PTPRG: variants seen among roughly 807,000 people sequenced by gnomAD.
PTPRG encodes receptor-type tyrosine-protein phosphatase gamma.
Under a neutral mutation model 165.3 loss-of-function variants are expected in PTPRG, and 102 were observed. That is an observed-to-expected ratio of 0.62 (90% CI 0.53 to 0.73). PTPRG has a LOEUF of 0.73. Among genes scored for constraint, PTPRG ranks in the 30% least tolerant of loss-of-function variants. The pLI, the probability that PTPRG is intolerant of heterozygous loss-of-function variation, is 0.00. For synonymous variants in PTPRG, 675 were observed against 669.5 expected (o/e 1.01, Z -0.13); for missense variants, 1,866 against 1,861.4 (o/e 1.00, Z -0.05).
chr3:62,020,416 T>C (rs886067623), intron 4 of PTPRG, among the ~76,000 whole-genome samples: 33 of 152,310 alleles, frequency 2.2e-4, no homozygotes, highest in African/African-American at 7.2e-4. Context: ...AATATAAAAA[T>C]AATTTTTTCT....
intron 2 of PTPRG, among the ~76,000 whole-genome samples, chr3:61,976,638 C>G (rs1025907131): frequency 2.0e-5 from 3 of 151,620 alleles, no homozygotes; most frequent in African/African-American, 4.8e-5. Context: ...TAATATGGAT[C>G]TGATATAACA....
At chr3:61,578,036 A>T (rs990329262) in intron 1 of PTPRG, among the ~76,000 whole-genome samples, 2 of 152,236 alleles carry the variant, frequency 1.3e-5, no homozygotes, top group African/African-American at 4.8e-5. Flanking sequence ...AGGCCTTGGC[A>T]TCTAGGGAGC....
chr3:61,578,596 C>T (rs1700217699), intron 1 of PTPRG, among the ~76,000 whole-genome samples: 1 of 152,218 alleles, frequency 6.6e-6, no homozygotes, highest in African/African-American at 2.4e-5. Flanking sequence ...GGTGAATATT[C>T]TCTACTCTCC....
chr3:62,185,787 T>C (rs1267754478), intron 8 of PTPRG, among the ~76,000 whole-genome samples: 1 of 152,206 alleles, frequency 6.6e-6, no homozygotes, highest in African/African-American at 2.4e-5. Flanking sequence ...CCCACAACTT[T>C]GGGTTTATCC....
intron 1 of PTPRG, among the ~76,000 whole-genome samples, chr3:61,578,906 TGATAA>T (rs1700223254): frequency 6.6e-6 from 1 of 152,174 alleles, no homozygotes; most frequent in South Asian, 2.1e-4. Context: ...TTGGTGCAGG[TGATAA>T]GAATCTGGGT....
chr3:62,223,422 T>C (rs1473652527), intron 13 of PTPRG, among the ~76,000 whole-genome samples: 1 of 152,210 alleles, frequency 6.6e-6, no homozygotes, highest in African/African-American at 2.4e-5. Context: ...ATTTTGTGTA[T>C]AAAGCACAGA....
In PTPRG at chr3:62,109,066, A is replaced by G. The variant is rs371896631; in HGVS notation, c.616-23536A>G. Among the ~76,000 whole-genome samples the G allele has an allele frequency of 1.3e-3, 197 of 152,112 alleles. No homozygotes were observed. The Middle Eastern group carries it at 0.014, about 11-fold the overall frequency. ...TAGTTTAATTAGATCCCATTTGTCA[A>G]TTTTGACTTTTGTTGCCATTGCTTT... On this transcript the variant is annotated intron_variant, in intron 5 of 29. Transcript: ENST00000474889.
chr3:61,762,304 A>C (rs1321099583), intron 2 of PTPRG, among the ~76,000 whole-genome samples: 2 of 152,102 alleles, frequency 1.3e-5, no homozygotes, highest in African/African-American at 4.8e-5. Flanking sequence ...TGAGCTGCAT[A>C]CCTGCTGTGC....
At chr3:61,820,603 GTTTTTTTTTTTT>G (rs11329820) in intron 2 of PTPRG, among the ~76,000 whole-genome samples, 5 of 65,730 alleles carry the variant, frequency 7.6e-5, no homozygotes, top group African/African-American at 2.0e-4. Flanking sequence ...CTGTGTCTCT[GTTTTTTTTTTTT>G]TTTTTTTTTT....
At chr3:61,878,287 T>C (rs2037797656) in intron 2 of PTPRG, among the ~76,000 whole-genome samples, 1 of 152,204 alleles carries the variant, frequency 6.6e-6, no homozygotes, top group Non-Finnish European at 1.5e-5. Context: ...ACAATAGCGA[T>C]AGTAAATATG....
At chr3:61,693,743 C>G (rs775161233) in intron 1 of PTPRG, among the ~76,000 whole-genome samples, 2 of 152,042 alleles carry the variant, frequency 1.3e-5, no homozygotes, top group Non-Finnish European at 2.9e-5. Context: ...CAGCGGCTCA[C>G]GCCTATAATT....
intron 2 of PTPRG, among the ~76,000 whole-genome samples, chr3:61,867,619 G>C (rs770958711): frequency 2.0e-5 from 3 of 152,076 alleles, no homozygotes; most frequent in Admixed American, 6.6e-5. Context: ...TGGCAAAAAT[G>C]GGATCTCAGG....
At chr3:62,153,977 G>A (rs895152385) in intron 6 of PTPRG, among the ~76,000 whole-genome samples, 10 of 152,318 alleles carry the variant, frequency 6.6e-5, no homozygotes, top group African/African-American at 2.4e-4. Flanking sequence ...CCTGAAGAAA[G>A]AATCCCATGT....
At chr3:61,891,448 T>C (rs994149212) in intron 2 of PTPRG, among the ~76,000 whole-genome samples, 4 of 152,258 alleles carry the variant, frequency 2.6e-5, no homozygotes, top group Admixed American at 1.3e-4. Context: ...AGATTTTCTA[T>C]GTGTAAACCA....
intron 2 of PTPRG, among the ~76,000 whole-genome samples, chr3:61,849,413 A>G (rs1384702035): frequency 6.6e-6 from 1 of 152,206 alleles, no homozygotes; most frequent in East Asian, 1.9e-4. Flanking sequence ...GTGAAAAGAT[A>G]TGTGTAGGTG....
intron 2 of PTPRG, among the ~76,000 whole-genome samples, chr3:61,809,630 A>G (rs768036210): frequency 4.6e-5 from 7 of 152,314 alleles, no homozygotes; most frequent in Admixed American, 2.6e-4. Context: ...AGTGAATACT[A>G]TATGTCATGT....
chr3:61,618,766 TGA>T (rs750052198), intron 1 of PTPRG, among the ~76,000 whole-genome samples: 2 of 152,076 alleles, frequency 1.3e-5, no homozygotes, highest in Admixed American at 6.5e-5. Flanking sequence ...TTTCTGTTGA[TGA>T]GAGTCAATAC....
intron 6 of PTPRG, among the ~76,000 whole-genome samples, chr3:62,145,347 T>C (rs767203238): frequency 3.9e-5 from 6 of 152,138 alleles, no homozygotes; most frequent in Non-Finnish European, 7.3e-5. Flanking sequence ...GTGATAGCTG[T>C]CACCACTGCC....
At chr3:61,628,884 C>T (rs770582675) in intron 1 of PTPRG, among the ~76,000 whole-genome samples, 96 of 152,258 alleles carry the variant, frequency 6.3e-4, no homozygotes, top group Admixed American at 2.0e-3. Context: ...CACAGTCTCT[C>T]GACTCATAAG....
Sources: gnomAD v4.1 joint callset for allele counts (sites outside exome capture counted in the v4.1 genomes callset) on GRCh38, gnomAD v4.1.1 for gene constraint, MANE v1.5 for transcripts, NCBI Gene and HGNC (gene_info 2026-07-23, HGNC 2026-07-21) for gene names.